The following SPEF2 variants were observed in gnomAD, a reference collection of about 807,000 sequenced individuals.
SPEF2 encodes sperm flagellar and cilia associated 2.
Under a neutral mutation model 224.6 loss-of-function variants are expected in SPEF2, and 187 were observed. That is an observed-to-expected ratio of 0.83 (90% CI 0.74 to 0.94). The LOEUF (loss-of-function observed/expected upper bound fraction) is 0.94, where lower values mean the gene tolerates loss of function less well. SPEF2 is among the 40% of genes least tolerant of loss of function. SPEF2 has a pLI of 0.00. For missense variants in SPEF2, 2,170 were observed against 2,135.6 expected (o/e 1.02, Z -0.32); for synonymous variants, 715 against 707.3 (o/e 1.01, Z -0.17).
At chr5:35,649,467 G>C (rs1747884213) in intron 6 of SPEF2, 42 bp downstream of exon 6, 1 of 1,451,436 alleles carries the variant, frequency 6.9e-7, no homozygotes, top group African/African-American at 1.4e-5. Flanking sequence ...ACCGCATTCT[G>C]TTCTACACAT....
intron 33 of SPEF2, among the ~76,000 whole-genome samples, chr5:35,799,217 C>T (rs1757089608): frequency 6.6e-6 from 1 of 152,130 alleles, no homozygotes. Flanking sequence ...TTGAGAAAAG[C>T]TAGAAGGTAG....
chr5:35,797,449 T>G (rs1756833933), intron 33 of SPEF2, among the ~76,000 whole-genome samples: 1 of 151,898 alleles, frequency 6.6e-6, no homozygotes, highest in Non-Finnish European at 1.5e-5. Flanking sequence ...AGAAGTTACA[T>G]AAATCTCAAT....
intron 1 of SPEF2, 36 bp downstream of exon 1, chr5:35,618,091 G>C: frequency 6.4e-7 from 1 of 1,561,522 alleles, no homozygotes; most frequent in Non-Finnish European, 8.7e-7. Context: ...CGTCTGAGGG[G>C]CTAGCGGGGC....
rs139688844 is a variant in SPEF2 at position 35,729,470 on chromosome 5, C to A, written c.3063+1647C>A. ...GCGAGGGAGTTTCCTGAAGTACTTA[C>A]GTACATTAGCCTCCCCAGGCACTAA... On this transcript the variant is annotated intron_variant, in intron 21 of 36. Coordinates refer to ENST00000356031, the MANE Select transcript of SPEF2 (RefSeq NM_024867.4). 4.2e-3 allele frequency among the ~76,000 whole-genome samples: 642 copies of A among 152,288 alleles called. 7 individuals carry two copies. Among genetic ancestry groups the A allele is most frequent in the African/African-American group, 0.015 (603 of 41,548 alleles).
intron 21 of SPEF2, among the ~76,000 whole-genome samples, chr5:35,735,289 C>T (rs1249162186): frequency 1.3e-5 from 2 of 152,170 alleles, no homozygotes; most frequent in African/African-American, 4.8e-5. Flanking sequence ...TGACTTGGAT[C>T]AGATCTCATG....
At chr5:35,651,718 A>G (rs562338842) in intron 6 of SPEF2, among the ~76,000 whole-genome samples, 95 of 152,332 alleles carry the variant, frequency 6.2e-4, no homozygotes, top group Middle Eastern at 3.4e-3. Context: ...AAGGCAATAC[A>G]GTCTCCCAAC....
chr5:35,757,394 T>C (rs1750618469), intron 24 of SPEF2, among the ~76,000 whole-genome samples: 1 of 152,170 alleles, frequency 6.6e-6, no homozygotes, highest in Non-Finnish European at 1.5e-5. Flanking sequence ...TTAAGTAGTT[T>C]AGTTCTCTAA....
intron 15 of SPEF2, 63 bp from the exon 16 acceptor site, chr5:35,700,433 C>T: frequency 7.1e-7 from 1 of 1,412,932 alleles, no homozygotes; most frequent in Non-Finnish European, 9.7e-7. Flanking sequence ...AAAGATTCAT[C>T]ATAGTATTTC....
intron 1 of SPEF2, among the ~76,000 whole-genome samples, chr5:35,625,792 G>A (rs1018734320): frequency 6.6e-6 from 1 of 152,130 alleles, no homozygotes; most frequent in Non-Finnish European, 1.5e-5. Context: ...GGGTCATGGT[G>A]GCAACGAGAG....
rs572276980 is a variant in SPEF2, at chr5:35,737,561, G to A, written c.3064-2358G>A. ...CATGAACTCATCATTTTTTATGTCT[G>A]CATAGTATTCCATGGTGTATATGTG... On this transcript the variant is annotated intron_variant, in intron 21 of 36. Coordinates refer to ENST00000356031, the MANE Select transcript of SPEF2 (RefSeq NM_024867.4). Among the ~76,000 whole-genome samples, 8 of 152,162 alleles carry A rather than the reference G, an allele frequency of 5.3e-5. No homozygotes were observed. In the South Asian group the frequency reaches 1.5e-3, roughly 28 times the overall value.
rs564609793 is a variant in SPEF2, at chr5:35,782,433, TA to T, written c.4447+3088del. 6.6e-3 allele frequency among the ~76,000 whole-genome samples: 1,001 copies of T among 152,314 alleles called. 14 individuals carry two copies. Among genetic ancestry groups the T allele is most frequent in the African/African-American group, 0.023 (956 of 41,566 alleles). ...TGCAACTTTCAAGTTCACTAAAATA[TA>T]TTAAAACAGATGGATTTTTTTGGGA... On this transcript the variant is annotated intron_variant, in intron 30 of 36. Transcript: ENST00000356031.
At chr5:35,628,439 T>A (rs768674017) in intron 1 of SPEF2, 21 bp from the exon 2 acceptor site, 1 of 1,512,976 alleles carries the variant, frequency 6.6e-7, no homozygotes. Flanking sequence ...ATGGTTTTTA[T>A]CTCAATGTTT....
chr5:35,710,634 G>A (rs949090901), intron 19 of SPEF2: 27 of 984,874 alleles, frequency 2.7e-5, no homozygotes, highest in African/African-American at 2.1e-4. Flanking sequence ...ATCGAATATC[G>A]TCCTTTAACC....
intron 26 of SPEF2, chr5:35,764,437 G>A: frequency 2.6e-6 from 1 of 377,904 alleles, no homozygotes. Context: ...AAAGGGAAAG[G>A]GGAGGCATAC....
At chr5:35,730,012 C>T (rs1745370106) in intron 21 of SPEF2, among the ~76,000 whole-genome samples, 2 of 152,188 alleles carry the variant, frequency 1.3e-5, no homozygotes, top group African/African-American at 2.4e-5. Flanking sequence ...CGGACTAATA[C>T]ACCTGCCAAG....
At chr5:35,719,420 T>G (rs1360218020) in intron 20 of SPEF2, among the ~76,000 whole-genome samples, 1 of 152,212 alleles carries the variant, frequency 6.6e-6, no homozygotes, top group African/African-American at 2.4e-5. Context: ...TTGCATAAAG[T>G]GCAGCAAGAA....
chr5:35,685,490 G>T (rs984256934), intron 10 of SPEF2, among the ~76,000 whole-genome samples: 1 of 151,992 alleles, frequency 6.6e-6, no homozygotes, highest in Non-Finnish European at 1.5e-5. Context: ...ATGACATAGC[G>T]TAATTATAGA....
At chr5:35,795,673 T>C in intron 32 of SPEF2, 30 bp from the exon 33 acceptor site, 1 of 1,594,592 alleles carries the variant, frequency 6.3e-7, no homozygotes, top group Non-Finnish European at 8.6e-7. Flanking sequence ...ATACATACTT[T>C]AACAATTTTC....
intron 32 of SPEF2, 137 bp from the exon 33 acceptor site, chr5:35,795,566 T>C (rs934649383): frequency 1.3e-5 from 8 of 604,984 alleles, no homozygotes; most frequent in Non-Finnish European, 2.3e-5. Context: ...TATTTTCTCC[T>C]ACACCCCTGT....
Sources: allele counts gnomAD v4.1 joint callset (sites outside exome capture counted in the v4.1 genomes callset), GRCh38; gene constraint gnomAD v4.1.1; transcripts MANE v1.5; gene names NCBI Gene and HGNC (gene_info 2026-07-23, HGNC 2026-07-21).